The following CCDC30 variants were observed in gnomAD, a reference collection of about 807,000 sequenced individuals.
CCDC30 encodes the protein coiled-coil domain-containing protein 30.
A neutral mutation model predicts 100.2 loss-of-function variants in CCDC30; 70 were observed. That is an observed-to-expected ratio of 0.70 (90% CI 0.58 to 0.85). The LOEUF (loss-of-function observed/expected upper bound fraction) is 0.85, where lower values mean the gene tolerates loss of function less well. Among genes scored for constraint, CCDC30 ranks in the 40% least tolerant of loss-of-function variants. The pLI, the probability that CCDC30 is intolerant of heterozygous loss-of-function variation, is 0.00. For missense variants in CCDC30, 652 were observed against 771.2 expected (o/e 0.85, Z 1.83); for synonymous variants, 233 against 269.5 (o/e 0.86, Z 1.33).
intron 7 of CCDC30, among the ~76,000 whole-genome samples, chr1:42,574,719 G>T (rs1014632369): frequency 8.5e-5 from 13 of 152,064 alleles, no homozygotes; most frequent in African/African-American, 3.1e-4. Context: ...CTATCATCTG[G>T]CAACTATTTG....
chr1:42,654,046 G>C (rs375672994), exon 17 of CCDC30: 227 of 1,583,244 alleles, frequency 1.4e-4, no homozygotes, highest in South Asian at 3.0e-4. Context: ...GGTGCCTAAA[G>C]CTATACTGAA....
intron 3 of CCDC30, among the ~76,000 whole-genome samples, chr1:42,487,615 C>T (rs1251682385): frequency 2.0e-5 from 3 of 152,080 alleles, no homozygotes; most frequent in African/African-American, 2.4e-5. Context: ...AGGGATTTAA[C>T]ATGAGGGAGA....
chr1:42,507,127 G>T (rs1813507), intron 6 of CCDC30, among the ~76,000 whole-genome samples: 6 of 151,830 alleles, frequency 4.0e-5, no homozygotes, highest in Non-Finnish European at 8.8e-5. Context: ...GGGTTTCACC[G>T]TGTTGTTCAG....
intron 6 of CCDC30, among the ~76,000 whole-genome samples, chr1:42,501,377 T>C (rs992863102): frequency 6.6e-6 from 1 of 152,250 alleles, no homozygotes; most frequent in Admixed American, 6.5e-5. Context: ...CCCATGTGTT[T>C]ATTCTTAGAA....
chr1:42,532,014 G>T (rs766850795), intron 6 of CCDC30, among the ~76,000 whole-genome samples: 1 of 152,134 alleles, frequency 6.6e-6, no homozygotes, highest in South Asian at 2.1e-4. Context: ...TGTTTTGGCC[G>T]GGTGCAGTGG....
At chr1:42,655,493 G>A (rs1435494730), downstream of CCDC30, among the ~76,000 whole-genome samples, 1 of 152,124 alleles carries the variant, frequency 6.6e-6, no homozygotes, top group South Asian at 2.1e-4. Context: ...GTTGCAGTGA[G>A]CCGAGACTGC....
At chr1:42,475,210 A>G (rs767526294) in intron 1 of CCDC30, among the ~76,000 whole-genome samples, 4 of 152,204 alleles carry the variant, frequency 2.6e-5, no homozygotes, top group Admixed American at 6.5e-5. Context: ...GCCAGATGCC[A>G]ACACTTGAGG....
chr1:42,460,150 A>G (rs1289003570), upstream of CCDC30: 2 of 1,267,912 alleles, frequency 1.6e-6, no homozygotes, highest in Non-Finnish European at 2.0e-6. Flanking sequence ...CTTTAAAAAG[A>G]AGAGCTTATT....
chr1:42,618,844 A>T (rs763877303), intron 11 of CCDC30, among the ~76,000 whole-genome samples: 25 of 152,210 alleles, frequency 1.6e-4, no homozygotes, highest in Admixed American at 7.2e-4. Flanking sequence ...GTAAGAAAGA[A>T]CGACGGGAAG....
chr1:42,535,722 T>TATA (rs1237819249), intron 6 of CCDC30, among the ~76,000 whole-genome samples: 1 of 5,912 alleles, frequency 1.7e-4, no homozygotes, highest in Admixed American at 2.6e-3. Context: ...TATATATAAA[T>TATA]TTTAAAAAAT....
chr1:42,563,845 C>T (rs1203184815), intron 6 of CCDC30, among the ~76,000 whole-genome samples: 2 of 151,800 alleles, frequency 1.3e-5, no homozygotes, highest in Non-Finnish European at 2.9e-5. Flanking sequence ...CCACTGCACT[C>T]CAGCCTGGGC....
chr1:42,524,173 G>A (rs1263277059), intron 6 of CCDC30, among the ~76,000 whole-genome samples: 2 of 149,498 alleles, frequency 1.3e-5, no homozygotes, highest in East Asian at 2.0e-4. Context: ...CTTAAAAATT[G>A]AACATCTGAA....
At chr1:42,623,042 G>A (rs1188558469) in intron 11 of CCDC30, among the ~76,000 whole-genome samples, 9 of 152,140 alleles carry the variant, frequency 5.9e-5, no homozygotes, top group African/African-American at 1.9e-4. Flanking sequence ...TTTCAGAAAT[G>A]TCTATTCAAA....
rs376802199 is a variant in CCDC30 at position 42,636,859 on chromosome 1, G to A, written c.1278-378G>A. Among the ~76,000 whole-genome samples the A allele has an allele frequency of 4.5e-4, 68 of 150,996 alleles. 2 individuals are homozygous for A. In the South Asian group the frequency reaches 9.9e-3, roughly 22 times the overall value. ...CAGGCACCTGTAGTCCCAGCTACTC[G>A]GGAGGCTGAAGCAGGAGAATCGCTT... On this transcript the variant is annotated intron_variant, in intron 11 of 16. Transcript: ENST00000668663.
chr1:42,589,429 GCAA>G, exon 10 of CCDC30: 1 of 1,613,930 alleles, frequency 6.2e-7, no homozygotes, highest in South Asian at 1.1e-5. Flanking sequence ...CCAGAATTCA[GCAA>G]CAAGAGGCCC....
intron 6 of CCDC30, among the ~76,000 whole-genome samples, chr1:42,524,651 C>A (rs1008989606): frequency 6.6e-6 from 1 of 152,212 alleles, no homozygotes; most frequent in African/African-American, 2.4e-5. Flanking sequence ...GACTCCCACA[C>A]GTTGCATGCA....
At chr1:42,622,571 ATTC>A (rs1646859852) in intron 11 of CCDC30, among the ~76,000 whole-genome samples, 1 of 151,690 alleles carries the variant, frequency 6.6e-6, no homozygotes, top group Admixed American at 6.6e-5. Context: ...GGTTCAAGCA[ATTC>A]TTCTGCTTCA....
chr1:42,640,630 A>G (rs1014176268), intron 12 of CCDC30, among the ~76,000 whole-genome samples: 7 of 152,286 alleles, frequency 4.6e-5, no homozygotes, highest in Admixed American at 3.3e-4. Context: ...ATGGTGGCTC[A>G]TGCCTGTAAT....
At chr1:42,566,585 A>ATC in intron 7 of CCDC30, 110 bp downstream of exon 11, 7 of 857,342 alleles carry the variant, frequency 8.2e-6, no homozygotes, top group Non-Finnish European at 1.3e-5. Context: ...AAATATGTGG[A>ATC]CAATGTGAGC....
Sources: gnomAD v4.1 joint callset for allele counts (sites outside exome capture counted in the v4.1 genomes callset) on GRCh38, gnomAD v4.1.1 for gene constraint, MANE v1.5 for transcripts, NCBI Gene and HGNC (gene_info 2026-07-23, HGNC 2026-07-21) for gene names.